KIAA1671: variants seen among roughly 807,000 people sequenced by gnomAD.
KIAA1671 encodes the protein KIAA1671, also known as uncharacterized protein KIAA1671.
A neutral mutation model predicts 131.2 loss-of-function variants in KIAA1671; 52 were observed. The ratio of observed to expected loss-of-function variants is 0.40; its 90% CI spans 0.32 to 0.50. The LOEUF is 0.50. Among genes scored for constraint, KIAA1671 ranks in the 20% least tolerant of loss-of-function variants. The pLI is 0.73. For synonymous variants in KIAA1671, 1,003 were observed against 961.6 expected (o/e 1.04, Z -0.80); for missense variants, 2,360 against 2,364.2 (o/e 1.00, Z 0.04).
Position 25,028,236 on chromosome 22 carries a change from T to C in KIAA1671, c.237T>C (p.Ser79=). 2 of 1,551,554 alleles carry C rather than the reference T, an allele frequency of 1.3e-6. No homozygotes were observed. Among genetic ancestry groups the C allele is most frequent in the Non-Finnish European group, 1.7e-6 (2 of 1,146,966 alleles). The change falls in exon 3 of 13, where the codon TCT becomes TCC. Residue 79 remains serine (S), a synonymous_variant. Transcript: ENST00000358431. ...TCTCGAAGGAGCAGGACGTGAAATC[T>C]CCTGTCCCGTCTCTGCGGCCCAGTT... ...KPFSKEQDVK[S]PVPSLRPSST...
chr22:25,090,141 A>T (rs528565413), intron 6 of KIAA1671, among the ~76,000 whole-genome samples: 1 of 152,122 alleles, frequency 6.6e-6, no homozygotes, highest in Non-Finnish European at 1.5e-5. Context: ...TCCTTAGAAG[A>T]AGTCTCTGGC....
Position 25,192,409 on chromosome 22 carries a change from G to A in KIAA1671, c.*8G>A, listed in dbSNP as rs1934696820. 1 of 152,370 alleles carries A rather than the reference G, an allele frequency of 6.6e-6. No homozygotes were observed. The highest frequency in any genetic ancestry group is 2.1e-4 in the South Asian group (1 of 4,832). 9.4% of individuals were successfully genotyped at this position (152,370 alleles called of 1,614,324 possible). A position where few individuals can be genotyped will look rare whatever the true frequency, so the allele number is the denominator to read the frequency against. ...AGTACTGTCCCTTCCTCTCCAGGCAGGGAACACTGCCACATCTACGTAACA... is the reference window on the plus strand; with the variant it reads ...AGTACTGTCCCTTCCTCTCCAGGCAAGGAACACTGCCACATCTACGTAACA... On this transcript the variant is annotated 3_prime_UTR_variant, in exon 13 of 13. Transcript: ENST00000358431.
intron 1 of KIAA1671, among the ~76,000 whole-genome samples, chr22:25,015,830 A>AC (rs768839582): frequency 1.6e-5 from 2 of 123,762 alleles, no homozygotes; most frequent in African/African-American, 3.0e-5. Context: ...CACCAGATGT[A>AC]CCGCACTCTG....
intron 1 of KIAA1671, among the ~76,000 whole-genome samples, chr22:24,992,647 T>C (rs1923901644): frequency 6.6e-6 from 1 of 151,670 alleles, no homozygotes; most frequent in Admixed American, 6.6e-5. Context: ...AAACCCCCTC[T>C]CTACTAAAAA....
At position 25,040,442 on chromosome 22, in the gene KIAA1671, G is replaced by T; in HGVS notation, c.3312G>T (p.Lys1104Asn). 6.4e-7 allele frequency: 1 copy of T among 1,552,010 alleles called. No homozygotes were observed. The highest frequency in any genetic ancestry group is 8.7e-7 in the Non-Finnish European group (1 of 1,147,074). Residue 1104 changes from lysine to asparagine, a missense_variant, in exon 5 of 13, where the codon AAG becomes AAT. By Grantham distance (94) the Lys-to-Asn change is moderately conservative. Transcript: ENST00000358431. Reference protein sequence around the residue: ...HENASILKTLKPTDRPSSLGA... With the variant: ...HENASILKTLNPTDRPSSLGA... ...ATGCAAGCATTTTAAAAACTCTGAAGCCAACAGACCGTCCATCATCTCTTG... is the reference window on the plus strand; with the variant it reads ...ATGCAAGCATTTTAAAAACTCTGAATCCAACAGACCGTCCATCATCTCTTG...
intron 6 of KIAA1671, among the ~76,000 whole-genome samples, chr22:25,111,241 GTGCACACACA>G (rs1212219577): frequency 6.6e-6 from 1 of 152,218 alleles, no homozygotes; most frequent in Non-Finnish European, 1.5e-5. Context: ...CACACACAGA[GTGCACACACA>G]TGCACACACG....
chr22:25,190,816 A>G, intron 12 of KIAA1671, 32 bp downstream of exon 12: 2 of 1,436,872 alleles, frequency 1.4e-6, no homozygotes, highest in South Asian at 2.4e-5. Flanking sequence ...GAACCTGGGA[A>G]GAGCCCTGCA....
intron 6 of KIAA1671, among the ~76,000 whole-genome samples, chr22:25,089,193 G>T (rs1929889866): frequency 6.6e-6 from 1 of 151,504 alleles, no homozygotes; most frequent in South Asian, 2.1e-4. Context: ...AGCATCTGTG[G>T]ATTTATGTAT....
intron 6 of KIAA1671, among the ~76,000 whole-genome samples, chr22:25,120,225 C>T (rs547976203): frequency 1.3e-5 from 2 of 152,206 alleles, no homozygotes; most frequent in South Asian, 2.1e-4. Flanking sequence ...GCCCTGGTCT[C>T]GGGCTGCACC....
chr22:25,144,573 A>C (rs2145966354), intron 6 of KIAA1671, among the ~76,000 whole-genome samples: 2 of 152,320 alleles, frequency 1.3e-5, no homozygotes, highest in South Asian at 4.1e-4. Context: ...CTTGGGCTGG[A>C]ATACCCTTCG....
intron 5 of KIAA1671, 127 bp downstream of exon 5, chr22:25,041,652 G>A (rs1404083585): frequency 4.2e-6 from 4 of 957,526 alleles, no homozygotes; most frequent in Non-Finnish European, 6.0e-6. Flanking sequence ...TGGGTATGAG[G>A]CTCCAGGGAG....
chr22:25,026,181 T>G (rs1925932531), intron 2 of KIAA1671, among the ~76,000 whole-genome samples: 1 of 152,220 alleles, frequency 6.6e-6, no homozygotes, highest in African/African-American at 2.4e-5. Flanking sequence ...TATCAAAATC[T>G]GTCTGCCTTT....
chr22:25,165,906 G>A (rs995956040), intron 6 of KIAA1671, among the ~76,000 whole-genome samples: 1 of 152,118 alleles, frequency 6.6e-6, no homozygotes, highest in African/African-American at 2.4e-5. Flanking sequence ...GGGTATGGGA[G>A]GAGGGAAGCA....
intron 6 of KIAA1671, among the ~76,000 whole-genome samples, chr22:25,125,350 A>G (rs904483129): frequency 3.9e-5 from 6 of 152,202 alleles, no homozygotes; most frequent in Non-Finnish European, 7.3e-5. Context: ...TCCAAGAGGT[A>G]TTATCTATGT....
At chr22:25,121,722 C>T (rs953795174) in intron 6 of KIAA1671, among the ~76,000 whole-genome samples, 1 of 152,022 alleles carries the variant, frequency 6.6e-6, no homozygotes, top group African/African-American at 2.4e-5. Context: ...GTATTTTTAC[C>T]ACACAGATAT....
intron 6 of KIAA1671, among the ~76,000 whole-genome samples, chr22:25,068,591 C>T (rs1370359636): frequency 2.0e-5 from 3 of 152,178 alleles, no homozygotes; most frequent in East Asian, 1.9e-4. Context: ...CGCCCGCCTC[C>T]GCGGCCGGCT....
At chr22:24,992,814 C>CAAAAAAA (rs761181079) in intron 1 of KIAA1671, among the ~76,000 whole-genome samples, 9,008 of 57,244 alleles carry the variant, frequency 0.16, 1,739 homozygotes, top group Middle Eastern at 0.19. Flanking sequence ...GACTCCGTCT[C>CAAAAAAA]AAAAAAAAAA....
At chr22:25,114,473 T>G (rs950620444) in intron 6 of KIAA1671, among the ~76,000 whole-genome samples, 7 of 152,246 alleles carry the variant, frequency 4.6e-5, no homozygotes, top group Non-Finnish European at 8.8e-5. Context: ...TGTGCAGTGT[T>G]GCAGATAAGT....
intron 4 of KIAA1671, among the ~76,000 whole-genome samples, chr22:25,037,300 G>T (rs1434730365): frequency 1.3e-5 from 2 of 152,168 alleles, no homozygotes; most frequent in Non-Finnish European, 2.9e-5. Context: ...TCCAGCCTGG[G>T]CAAAAGAGCA....
Sources: gnomAD v4.1 joint callset for allele counts (sites outside exome capture counted in the v4.1 genomes callset) on GRCh38, gnomAD v4.1.1 for gene constraint, MANE v1.5 for transcripts, NCBI Gene and HGNC (gene_info 2026-07-23, HGNC 2026-07-21) for gene names.